AKT3: variants seen among roughly 807,000 people sequenced by gnomAD.
AKT3 encodes the protein RAC-gamma serine/threonine-protein kinase.
Under a neutral mutation model 65.3 loss-of-function variants are expected in AKT3, and 15 were observed. The ratio of observed to expected loss-of-function variants is 0.23; its 90% CI spans 0.15 to 0.35. The LOEUF is 0.35. AKT3 is among the 10% of genes least tolerant of loss of function. The probability of loss-of-function intolerance (pLI) is 1.00; values close to 1 mark genes in which losing one functional copy is unlikely to be tolerated. For synonymous variants in AKT3, 206 were observed against 183.8 expected (o/e 1.12, Z -0.98); for missense variants, 243 against 576.5 (o/e 0.42, Z 5.92).
At chr1:243,708,720 G>A (rs1362189877) in intron 2 of AKT3, among the ~76,000 whole-genome samples, 1 of 151,960 alleles carries the variant, frequency 6.6e-6, no homozygotes, top group Admixed American at 6.5e-5. Flanking sequence ...CTAAGTTCCT[G>A]TTTTGCTCTC....
At chr1:243,849,927 C>T (rs939261202) in intron 1 of AKT3, 113 bp downstream of exon 1, 25 of 802,360 alleles carry the variant, frequency 3.1e-5, no homozygotes, top group Non-Finnish European at 3.8e-5. Flanking sequence ...CTCACCCCAC[C>T]CCGCCGCCAT....
At chr1:243,813,097 C>T (rs890130688) in intron 2 of AKT3, among the ~76,000 whole-genome samples, 1 of 151,756 alleles carries the variant, frequency 6.6e-6, no homozygotes, top group Admixed American at 6.6e-5. Context: ...TTAATGGGTG[C>T]AGCACACCAA....
At chr1:243,661,329 A>G (rs902575835) in intron 4 of AKT3, among the ~76,000 whole-genome samples, 12 of 152,232 alleles carry the variant, frequency 7.9e-5, no homozygotes, top group Admixed American at 4.6e-4. Flanking sequence ...TACAGTAACC[A>G]AAACAGCATG....
At chr1:243,736,762 T>A (rs903081828) in intron 2 of AKT3, among the ~76,000 whole-genome samples, 1 of 152,110 alleles carries the variant, frequency 6.6e-6, no homozygotes, top group African/African-American at 2.4e-5. Flanking sequence ...TACTAAGACT[T>A]TGCTTAAGAT....
chr1:243,811,418 C>T (rs980544885), intron 2 of AKT3, among the ~76,000 whole-genome samples: 1 of 152,138 alleles, frequency 6.6e-6, no homozygotes, highest in Non-Finnish European at 1.5e-5. Flanking sequence ...CTCCCATTCA[C>T]GATTGCTTCA....
intron 6 of AKT3, among the ~76,000 whole-genome samples, chr1:243,616,566 C>A (rs1295289623): frequency 1.3e-5 from 2 of 152,168 alleles, no homozygotes; most frequent in Non-Finnish European, 2.9e-5. Context: ...AACACAGCAT[C>A]TCTGTTCTTC....
At chr1:243,785,235 A>ATT (rs757049231) in intron 2 of AKT3, among the ~76,000 whole-genome samples, 4,672 of 138,872 alleles carry the variant, frequency 0.034, 107 homozygotes, top group Middle Eastern at 0.079. Context: ...TGCCCAGCTA[A>ATT]TTTTTTTTTT....
intron 13 of AKT3, among the ~76,000 whole-genome samples, chr1:243,489,986 G>T (rs901924365): frequency 6.6e-6 from 1 of 152,198 alleles, no homozygotes; most frequent in Non-Finnish European, 1.5e-5. Context: ...ATAATGAGGT[G>T]GTCCGTGGGC....
At chr1:243,656,786 G>A (rs113846194) in intron 4 of AKT3, among the ~76,000 whole-genome samples, 3,258 of 152,254 alleles carry the variant, frequency 0.021, 57 homozygotes, top group Non-Finnish European at 0.032. Context: ...TGTGAGTGTC[G>A]TGGCCATGGT....
rs1429993550 is a variant in AKT3 at position 243,843,571 on chromosome 1, G to A, written c.-112-289C>T. On this transcript the variant is annotated intron_variant, in intron 1 of 13. Transcript: ENST00000673466. ...AAATAATAGAGAAAATTTGTTTGGT[G>A]ATGTGTATTTGAGGTGAAGAGGGAA... is the stretch of plus-strand genomic sequence containing the variant. 7 of 1,023,776 alleles carry A rather than the reference G, an allele frequency of 6.8e-6. No homozygotes were observed. The East Asian group carries it at 3.9e-4, about 57-fold the overall frequency. 63.4% of individuals were successfully genotyped at this position (1,023,776 alleles called of 1,614,324 possible).
chr1:243,506,642 T>G (rs1366506868), intron 13 of AKT3, among the ~76,000 whole-genome samples: 1 of 152,252 alleles, frequency 6.6e-6, no homozygotes, highest in African/African-American at 2.4e-5. Context: ...CCAAAATTTC[T>G]GACCCCTAAT....
At chr1:243,828,060 T>C (rs1044144594) in intron 2 of AKT3, among the ~76,000 whole-genome samples, 1 of 83,622 alleles carries the variant, frequency 1.2e-5, no homozygotes, top group African/African-American at 4.2e-5. Flanking sequence ...TGAAGAATGT[T>C]TTAAAAACAA....
chr1:243,499,647 T>TC (rs1669013863), downstream of AKT3: 2 of 900,026 alleles, frequency 2.2e-6, no homozygotes, highest in African/African-American at 1.7e-5. Context: ...CAGGTTTTTT[T>TC]CTCCAACAAC....
intron 6 of AKT3, among the ~76,000 whole-genome samples, chr1:243,617,584 T>C (rs999292479): frequency 2.0e-5 from 3 of 152,106 alleles, no homozygotes; most frequent in African/African-American, 4.8e-5. Context: ...ATAAGTGATA[T>C]TAAGGAAAAA....
chr1:243,689,220 ATAAT>A (rs1684531203), intron 3 of AKT3, among the ~76,000 whole-genome samples: 2 of 152,172 alleles, frequency 1.3e-5, no homozygotes, highest in Admixed American at 1.3e-4. Flanking sequence ...AGGTATGGGT[ATAAT>A]GATCAATCAA....
chr1:243,725,093 C>G (rs1687129501), intron 2 of AKT3, among the ~76,000 whole-genome samples: 1 of 151,252 alleles, frequency 6.6e-6, no homozygotes, highest in Non-Finnish European at 1.5e-5. Context: ...GCCCGTAGTT[C>G]TAGCTACTCG....
chr1:243,726,178 C>T (rs1452982302), intron 2 of AKT3, among the ~76,000 whole-genome samples: 1 of 152,044 alleles, frequency 6.6e-6, no homozygotes, highest in Non-Finnish European at 1.5e-5. Context: ...TTTAGAATTC[C>T]AACTGGAGGT....
At chr1:243,760,616 C>T (rs1189002738) in intron 2 of AKT3, among the ~76,000 whole-genome samples, 1 of 152,104 alleles carries the variant, frequency 6.6e-6, no homozygotes, top group African/African-American at 2.4e-5. Context: ...AACTGATGCC[C>T]ATGTTCTCAC....
intron 2 of AKT3, among the ~76,000 whole-genome samples, chr1:243,792,526 T>C (rs1345333187): frequency 6.6e-6 from 1 of 152,134 alleles, no homozygotes; most frequent in Non-Finnish European, 1.5e-5. Flanking sequence ...GAGGATTCCT[T>C]TGGCAGTGAT....
Sources: gnomAD v4.1 joint callset for allele counts (sites outside exome capture counted in the v4.1 genomes callset) on GRCh38, gnomAD v4.1.1 for gene constraint, MANE v1.5 for transcripts, NCBI Gene and HGNC (gene_info 2026-07-23, HGNC 2026-07-21) for gene names.